FGF12: variants seen among roughly 807,000 people sequenced by gnomAD.
FGF12 encodes fibroblast growth factor 12B.
Under a neutral mutation model 23.6 loss-of-function variants are expected in FGF12, and 14 were observed. The ratio of observed to expected loss-of-function variants is 0.59; its 90% CI spans 0.39 to 0.93. The LOEUF is 0.93. FGF12 is among the 40% of genes least tolerant of loss of function. The pLI, the probability that FGF12 is intolerant of heterozygous loss-of-function variation, is 0.00. For missense variants in FGF12, 175 were observed against 217.8 expected (o/e 0.80, Z 1.24); for synonymous variants, 62 against 77.3 (o/e 0.80, Z 1.04).
rs879777818 is a variant in FGF12 at position 192,490,127 on chromosome 3, G to GT, written c.14-129590dup. Among the ~76,000 whole-genome samples the GT allele has an allele frequency of 6.2e-4, 94 of 152,108 alleles. 1 individual carries two copies. The highest frequency in any genetic ancestry group is 6.8e-3 in the Middle Eastern group (2 of 294). On this transcript the variant is annotated intron_variant, in intron 2 of 5. Coordinates refer to ENST00000445105, the MANE Select transcript of FGF12 (RefSeq NM_004113.6). ...GAATACTTTTCTAAGTGATACAGTG[G>GT]TTTTTTTAGTAGCTCAGGACTTCTA...
intron 5 of FGF12, among the ~76,000 whole-genome samples, chr3:192,161,927 G>A (rs549664334): frequency 4.3e-4 from 66 of 152,170 alleles, no homozygotes; most frequent in African/African-American, 1.5e-3. Flanking sequence ...GGGAACACTG[G>A]AGTTGTTCTG....
intron 2 of FGF12, among the ~76,000 whole-genome samples, chr3:192,439,907 C>T (rs558060458): frequency 1.6e-4 from 24 of 149,866 alleles, no homozygotes; most frequent in Admixed American, 1.2e-3. Flanking sequence ...ACCCGGGAGG[C>T]AGAGGCTGCA....
At chr3:192,338,615 A>C (rs1717535895) in intron 3 of FGF12, among the ~76,000 whole-genome samples, 1 of 152,138 alleles carries the variant, frequency 6.6e-6, no homozygotes. Flanking sequence ...CCAAAAAAAC[A>C]AGGACTACTC....
At chr3:192,190,888 T>C (rs1004722542) in intron 4 of FGF12, among the ~76,000 whole-genome samples, 6 of 152,218 alleles carry the variant, frequency 3.9e-5, no homozygotes, top group Non-Finnish European at 8.8e-5. Context: ...TTTCAAATTA[T>C]AAAGTATCAC....
intron 2 of FGF12, among the ~76,000 whole-genome samples, chr3:192,445,601 G>C (rs1045826556): frequency 2.0e-5 from 3 of 152,074 alleles, no homozygotes; most frequent in Non-Finnish European, 2.9e-5. Context: ...TAGCTCATCA[G>C]AGATCCATAT....
chr3:192,501,036 C>A (rs1466097924), intron 2 of FGF12, among the ~76,000 whole-genome samples: 3 of 152,116 alleles, frequency 2.0e-5, no homozygotes, highest in African/African-American at 7.2e-5. Context: ...TTTTAACAGG[C>A]ATACATTTCA....
Position 192,467,763 on chromosome 3 carries a change from G to C in FGF12, c.14-107225C>G, listed in dbSNP as rs140040277. Among the ~76,000 whole-genome samples the C allele has an allele frequency of 1.3e-3, 202 of 152,274 alleles. 1 individual carries two copies. Among genetic ancestry groups the C allele is most frequent in the African/African-American group, 4.7e-3 (195 of 41,548 alleles). On this transcript the variant is annotated intron_variant, in intron 2 of 5. Coordinates refer to ENST00000445105, the MANE Select transcript of FGF12 (RefSeq NM_004113.6). The stretch of plus-strand genomic sequence containing the variant: ...TGAATGCCCAATGCCTCCCTGCTAG[G>C]AAATGGCAGAGCTCAAACTTAAAGA...
intron 2 of FGF12, among the ~76,000 whole-genome samples, chr3:192,556,551 T>G (rs1308693801): frequency 6.6e-6 from 1 of 151,958 alleles, no homozygotes; most frequent in African/African-American, 2.4e-5. Flanking sequence ...AAGGGAGAAA[T>G]GGACAGTAGT....
At chr3:192,246,821 G>A (rs1306553273) in intron 4 of FGF12, among the ~76,000 whole-genome samples, 25 of 115,426 alleles carry the variant, frequency 2.2e-4, no homozygotes, top group African/African-American at 5.2e-4. Context: ...GTGAAACTCC[G>A]TCAAAAAAAA....
intron 4 of FGF12, among the ~76,000 whole-genome samples, chr3:192,291,448 T>C (rs935852793): frequency 1.3e-4 from 20 of 152,046 alleles, no homozygotes; most frequent in Non-Finnish European, 2.2e-4. Flanking sequence ...CTGGGTGTGG[T>C]GGCACACACC....
intron 4 of FGF12, among the ~76,000 whole-genome samples, chr3:192,203,422 T>C (rs79002720): frequency 0.015 from 2,353 of 152,218 alleles, 64 homozygotes; most frequent in African/African-American, 0.054. Context: ...ATAAACAAAG[T>C]TAAGATTTGG....
At chr3:192,711,645 C>T (rs1225908721) in intron 2 of FGF12, among the ~76,000 whole-genome samples, 3 of 152,082 alleles carry the variant, frequency 2.0e-5, no homozygotes, top group Non-Finnish European at 4.4e-5. Flanking sequence ...TATGACCTTA[C>T]CCCCCAACCC....
intron 2 of FGF12, among the ~76,000 whole-genome samples, chr3:192,398,602 G>A (rs1022863335): frequency 2.0e-5 from 3 of 151,986 alleles, no homozygotes; most frequent in East Asian, 1.9e-4. Flanking sequence ...GACTGGTCTC[G>A]AACTCCTAAC....
chr3:192,245,551 T>A (rs747744661), intron 4 of FGF12, among the ~76,000 whole-genome samples: 33 of 152,224 alleles, frequency 2.2e-4, no homozygotes, highest in Non-Finnish European at 4.4e-4. Flanking sequence ...ATAAGCACAA[T>A]TTACTCTTTA....
chr3:192,454,961 A>G (rs1722634943), intron 2 of FGF12, among the ~76,000 whole-genome samples: 1 of 152,164 alleles, frequency 6.6e-6, no homozygotes, highest in South Asian at 2.1e-4. Flanking sequence ...ACTTTCTCTA[A>G]TAATTATTTT....
chr3:192,184,576 G>C (rs1399953849), intron 4 of FGF12, among the ~76,000 whole-genome samples: 2 of 152,144 alleles, frequency 1.3e-5, no homozygotes, highest in Non-Finnish European at 2.9e-5. Flanking sequence ...GGGAACAATG[G>C]GTGAAAGGTC....
At chr3:192,630,020 T>C (rs1166297175) in intron 2 of FGF12, among the ~76,000 whole-genome samples, 3 of 152,084 alleles carry the variant, frequency 2.0e-5, no homozygotes, top group African/African-American at 2.4e-5. Context: ...TGGGAGGTGA[T>C]TGGATCATGG....
chr3:192,460,409 A>G (rs1346067502), intron 2 of FGF12, among the ~76,000 whole-genome samples: 1 of 152,144 alleles, frequency 6.6e-6, no homozygotes, highest in Non-Finnish European at 1.5e-5. Context: ...GAGCGGAGCT[A>G]GAGGAATGGC....
At chr3:192,169,044 A>G (rs1715389818) in intron 5 of FGF12, among the ~76,000 whole-genome samples, 1 of 152,054 alleles carries the variant, frequency 6.6e-6, no homozygotes, top group African/African-American at 2.4e-5. Flanking sequence ...AATGAGCCCA[A>G]TAAGAATGAA....
Sources: gnomAD v4.1 joint callset for allele counts (sites outside exome capture counted in the v4.1 genomes callset) on GRCh38, gnomAD v4.1.1 for gene constraint, MANE v1.5 for transcripts, NCBI Gene and HGNC (gene_info 2026-07-23, HGNC 2026-07-21) for gene names.